Variants in CAST observed in about 807,000 individuals in gnomAD.
The protein encoded by CAST is MIR583 host.
Under a neutral mutation model 119.6 loss-of-function variants are expected in CAST, and 76 were observed. That is an observed-to-expected ratio of 0.64 (90% CI 0.53 to 0.77). The LOEUF (loss-of-function observed/expected upper bound fraction) is 0.77. Ranked by LOEUF, CAST falls within the 30% of genes least tolerant of loss-of-function variation. CAST has a pLI of 0.00. For missense variants in CAST, 953 were observed against 946.5 expected (o/e 1.01, Z -0.09); for synonymous variants, 319 against 331.6 (o/e 0.96, Z 0.41).
rs1380323948 is a variant in CAST at position 96,621,959 on chromosome 5, CTT to C, written c.61-53574_61-53573del. Among the ~76,000 whole-genome samples, 36 of 130,424 alleles carry C rather than the reference CTT, an allele frequency of 2.8e-4. No individual in the cohort carries two copies. In the Admixed American group the frequency reaches 2.9e-3, roughly 10 times the overall value. 85.6% of individuals were successfully genotyped at this position (130,424 alleles called of 152,430 possible). On this transcript the variant is annotated intron_variant, in intron 1 of 11. Coordinates refer to the CAST transcript ENST00000505143. ...GTTAGAGTTAGCATTCTTTTTTTTTCTTTTTTTCTCTTTTTTTTTTTTTTTTT... is the reference window on the plus strand; with the variant it reads ...GTTAGAGTTAGCATTCTTTTTTTTTCTTTTTCTCTTTTTTTTTTTTTTTTT...
At chr5:96,137,867 T>C in the CAST span, among the ~76,000 whole-genome samples, 1 of 152,094 alleles carries the variant, frequency 6.6e-6, no homozygotes, top group Non-Finnish European at 1.5e-5. Context: ...TTTTAAGTGT[T>C]CTTTCTATAT....
the CAST span, chr5:96,412,607 A>C: frequency 1.1e-6 from 1 of 941,506 alleles, no homozygotes; most frequent in Admixed American, 2.0e-5. Flanking sequence ...AAAACCAGGT[A>C]ACTACTAGAT....
chr5:96,145,233 G>T, the CAST span, among the ~76,000 whole-genome samples: 2 of 152,174 alleles, frequency 1.3e-5, no homozygotes, highest in Non-Finnish European at 2.9e-5. Context: ...CTAGGATAAT[G>T]CTTTTGCAGC....
chr5:96,099,757 G>A, the CAST span, among the ~76,000 whole-genome samples: 1 of 152,184 alleles, frequency 6.6e-6, no homozygotes, highest in African/African-American at 2.4e-5. Context: ...TTGCATTGAT[G>A]TTCATCAAGG....
At chr5:96,709,768 A>G (rs1290889898) in intron 3 of CAST, among the ~76,000 whole-genome samples, 4 of 152,206 alleles carry the variant, frequency 2.6e-5, no homozygotes, top group Non-Finnish European at 4.4e-5. Context: ...AAATAGACAT[A>G]TATTATTTTC....
At chr5:96,405,629 C>T in the CAST span, among the ~76,000 whole-genome samples, 1 of 152,168 alleles carries the variant, frequency 6.6e-6, no homozygotes, top group East Asian at 1.9e-4. Flanking sequence ...CGAGATCTTG[C>T]CACTGCACTC....
At chr5:95,990,487 T>C in the CAST span, among the ~76,000 whole-genome samples, 1 of 151,998 alleles carries the variant, frequency 6.6e-6, no homozygotes, top group Non-Finnish European at 1.5e-5. Context: ...TGGCTTACTA[T>C]TGAAAAATAG....
chr5:96,013,529 G>A, the CAST span, among the ~76,000 whole-genome samples: 1 of 152,060 alleles, frequency 6.6e-6, no homozygotes, highest in Non-Finnish European at 1.5e-5. Context: ...TCGCCATGAT[G>A]TGATTATATA....
the CAST span, among the ~76,000 whole-genome samples, chr5:95,991,752 C>T: frequency 2.6e-5 from 4 of 151,840 alleles, no homozygotes; most frequent in African/African-American, 9.7e-5. Context: ...GTTAGTCACC[C>T]GCCTCAGCCT....
chr5:96,250,465 G>T, the CAST span, among the ~76,000 whole-genome samples: 1 of 152,088 alleles, frequency 6.6e-6, no homozygotes, highest in Non-Finnish European at 1.5e-5. Context: ...CAGGAGAAAT[G>T]ATAAGGGCAA....
chr5:96,296,319 C>A, the CAST span, among the ~76,000 whole-genome samples: 1 of 152,182 alleles, frequency 6.6e-6, no homozygotes, highest in African/African-American at 2.4e-5. Context: ...ATTCTTCCCA[C>A]TGAAAATTGA....
chr5:96,391,605 G>T, the CAST span: 1 of 152,232 alleles, frequency 6.6e-6, no homozygotes, highest in South Asian at 2.1e-4. Flanking sequence ...CATTCGCTTA[G>T]TGTAGGAGTG....
At chr5:96,614,707 G>A (rs1304900611) in intron 1 of CAST, among the ~76,000 whole-genome samples, 4 of 151,218 alleles carry the variant, frequency 2.6e-5, no homozygotes, top group Non-Finnish European at 5.9e-5. Context: ...CTCTCCCCAG[G>A]GGTGCCAGAT....
chr5:96,386,781 A>G, the CAST span, among the ~76,000 whole-genome samples: 5 of 152,214 alleles, frequency 3.3e-5, no homozygotes, highest in African/African-American at 1.2e-4. Flanking sequence ...CCTGGCCAAC[A>G]TGGCAAAACC....
At chr5:96,269,604 C>T in the CAST span, among the ~76,000 whole-genome samples, 1 of 152,084 alleles carries the variant, frequency 6.6e-6, no homozygotes, top group Admixed American at 6.6e-5. Flanking sequence ...GAAACACAGA[C>T]AATAATTAGA....
At chr5:96,509,068 A>T in the CAST span, among the ~76,000 whole-genome samples, 2 of 152,232 alleles carry the variant, frequency 1.3e-5, no homozygotes, top group Non-Finnish European at 2.9e-5. Context: ...TAGGTGTAAA[A>T]TTATCTTTCA....
chr5:96,619,661 A>G (rs575088909), intron 1 of CAST, among the ~76,000 whole-genome samples: 6 of 152,298 alleles, frequency 3.9e-5, no homozygotes, highest in Non-Finnish European at 8.8e-5. Flanking sequence ...AGCCAGCGAG[A>G]CCACTAACCC....
chr5:96,090,231 T>G, the CAST span, among the ~76,000 whole-genome samples: 1 of 152,232 alleles, frequency 6.6e-6, no homozygotes, highest in African/African-American at 2.4e-5. Flanking sequence ...CCAAAACTTG[T>G]TCCTTTGTCC....
the CAST span, among the ~76,000 whole-genome samples, chr5:96,079,928 A>G: frequency 6.6e-6 from 1 of 152,174 alleles, no homozygotes; most frequent in African/African-American, 2.4e-5. Flanking sequence ...TAGTCTTTTA[A>G]AAAGCAAACC....
Sources: gnomAD v4.1 joint callset for allele counts (sites outside exome capture counted in the v4.1 genomes callset) on GRCh38, gnomAD v4.1.1 for gene constraint, MANE v1.5 for transcripts, NCBI Gene and HGNC (gene_info 2026-07-23, HGNC 2026-07-21) for gene names.